The following PTPN5 variants were observed in gnomAD, a reference collection of about 807,000 sequenced individuals.
PTPN5 encodes the protein protein tyrosine phosphatase non-receptor type 5, also known as tyrosine-protein phosphatase non-receptor type 5.
In PTPN5, 29 loss-of-function variants were observed where a neutral mutation model predicts 73.9. The observed-to-expected ratio is 0.39, with a 90% confidence interval of 0.29 to 0.54. PTPN5 has a LOEUF of 0.54. Among genes scored for constraint, PTPN5 ranks in the 20% least tolerant of loss-of-function variants. The pLI is 0.65. For synonymous variants in PTPN5, 267 were observed against 304.7 expected (o/e 0.88, Z 1.29); for missense variants, 652 against 751.4 (o/e 0.87, Z 1.55).
intron 3 of PTPN5, among the ~76,000 whole-genome samples, chr11:18,761,336 C>T (rs1314239907): frequency 6.6e-6 from 1 of 152,170 alleles, no homozygotes; most frequent in African/African-American, 2.4e-5. Context: ...CTGGGCTAGG[C>T]CTGTACTGGT....
At chr11:18,731,240 A>G (rs1268575964) in intron 12 of PTPN5, among the ~76,000 whole-genome samples, 1 of 149,252 alleles carries the variant, frequency 6.7e-6, no homozygotes, top group East Asian at 1.9e-4. Flanking sequence ...TGTATATCAT[A>G]TATACATACA....
intron 1 of PTPN5, among the ~76,000 whole-genome samples, chr11:18,772,510 C>T (rs1412611434): frequency 6.6e-6 from 1 of 152,162 alleles, no homozygotes; most frequent in Admixed American, 6.5e-5. Flanking sequence ...GTTCTGGATC[C>T]CAAACACAGG....
At position 18,730,178 on chromosome 11, in the gene PTPN5, C is replaced by T. The variant is rs557708101; in HGVS notation, c.1330-360G>A. 1.1e-4 allele frequency: 50 copies of T among 448,706 alleles called. 1 individual carries two copies. The highest frequency in any genetic ancestry group is 5.5e-4 in the South Asian group (10 of 18,348). The allele number at this position is 448,706 out of a possible 1,614,324, so 27.8% of individuals were successfully genotyped here. A position where few individuals can be genotyped will look rare whatever the true frequency, so the allele number is the denominator to read the frequency against. The stretch of plus-strand genomic sequence containing the variant: ...ATCCCTTTGTCACATAACCCAGCCC[C>T]GGGACTCTTCTTCGCCTCTTGCTGT... On this transcript the variant is annotated intron_variant, in intron 12 of 14. Transcript: ENST00000358540.
At chr11:18,789,509 C>G (rs1047825747) in intron 1 of PTPN5, among the ~76,000 whole-genome samples, 4 of 152,176 alleles carry the variant, frequency 2.6e-5, no homozygotes, top group Non-Finnish European at 4.4e-5. Flanking sequence ...GGCCACCATT[C>G]ATTATGAAGT....
chr11:18,786,491 C>T (rs922814277), intron 1 of PTPN5, among the ~76,000 whole-genome samples: 6 of 152,326 alleles, frequency 3.9e-5, no homozygotes, highest in Admixed American at 6.5e-5. Flanking sequence ...CGTGAGCCAC[C>T]GCACCCGGCC....
chr11:18,772,484 G>A (rs1374459652), intron 1 of PTPN5, among the ~76,000 whole-genome samples: 1 of 152,204 alleles, frequency 6.6e-6, no homozygotes, highest in Admixed American at 6.5e-5. Flanking sequence ...CGTCTGAGCA[G>A]ACTGCAAACT....
chr11:18,759,128 G>A (rs1407988625), intron 3 of PTPN5, among the ~76,000 whole-genome samples: 3 of 152,024 alleles, frequency 2.0e-5, no homozygotes, highest in South Asian at 2.1e-4. Context: ...TGGACCTGAC[G>A]CCCGAGCCCC....
At chr11:18,734,925 G>A (rs567671608) in intron 9 of PTPN5, among the ~76,000 whole-genome samples, 2 of 152,328 alleles carry the variant, frequency 1.3e-5, no homozygotes, top group East Asian at 3.9e-4. Context: ...CTACACCGCT[G>A]AGCCAGAGAG....
chr11:18,791,582 G>A lies in PTPN5; in HGVS notation c.-171C>T. 6.5e-6 allele frequency: 1 copy of A among 153,456 alleles called. No homozygotes were observed. The allele number at this position is 153,456 out of a possible 1,614,324, so 9.5% of individuals were successfully genotyped here. On this transcript the variant is annotated 5_prime_UTR_variant, in exon 1 of 15. Transcript: ENST00000358540. ...GGCGGGCAGGCTGGCGGGAGGATGC[G>A]CGCGCGAGTGTGCGTGTGTCTGCGT...
chr11:18,742,599 AGT>A lies in PTPN5; in HGVS notation c.484-98_484-97del, dbSNP rs1849420520. 6.6e-7 allele frequency: 1 copy of A among 1,524,834 alleles called. No individual in the cohort carries two copies. The allele number at this position is 1,524,834 out of a possible 1,614,324, so 94.5% of individuals were successfully genotyped here. On this transcript the variant is annotated intron_variant, in intron 6 of 14. Transcript: ENST00000358540. The surrounding 1 kb of genome is among the most constrained non-coding windows in gnomAD (Gnocchi z 4.1). ...GGGATTGACGCCCCCCCACTCCCTC[AGT>A]GTGTCTAGAGCAGCTCTGCTCTCCT...
intron 1 of PTPN5, among the ~76,000 whole-genome samples, chr11:18,776,394 C>G (rs894667106): frequency 6.6e-6 from 1 of 152,094 alleles, no homozygotes; most frequent in Non-Finnish European, 1.5e-5. Flanking sequence ...TTAGGAAGAA[C>G]TGGGTACTCC....
intron 3 of PTPN5, among the ~76,000 whole-genome samples, chr11:18,761,190 A>G (rs1850371962): frequency 6.6e-6 from 1 of 152,214 alleles, no homozygotes; most frequent in South Asian, 2.1e-4. Flanking sequence ...AGTCTGCATG[A>G]TGATGCTGCT....
intron 8 of PTPN5, among the ~76,000 whole-genome samples, chr11:18,739,661 C>T (rs950194226): frequency 6.6e-6 from 1 of 152,202 alleles, no homozygotes; most frequent in Non-Finnish European, 1.5e-5. Flanking sequence ...AGGAAGGGAG[C>T]TATGAGGGAG....
In PTPN5 at chr11:18,733,665, A is replaced by C. The variant is rs1848992992; in HGVS notation, c.1001-30T>G. 1 of 1,607,238 alleles carries C rather than the reference A, an allele frequency of 6.2e-7. No individual in the cohort carries two copies. Among genetic ancestry groups the C allele is most frequent in the Non-Finnish European group, 8.5e-7 (1 of 1,173,846 alleles). ...GGTGGTGGGAGACAAGTAAGGCTGG[A>C]AACTGGGCCCTCTGGTGCAGGACCC... On this transcript the variant is annotated intron_variant, in intron 9 of 14. Coordinates refer to ENST00000358540, the MANE Select transcript of PTPN5 (RefSeq NM_006906.2). This position sits in a 1 kb window ranked among gnomAD's most constrained non-coding sequence, Gnocchi z 4.3.
chr11:18,746,158 TATAA>T (rs1316135950), intron 3 of PTPN5, among the ~76,000 whole-genome samples: 8 of 86,604 alleles, frequency 9.2e-5, no homozygotes, highest in African/African-American at 3.6e-4. Context: ...CTGTTATAAA[TATAA>T]ATATATATAT....
chr11:18,762,453 CT>C (rs1850441106), intron 3 of PTPN5, among the ~76,000 whole-genome samples: 1 of 152,044 alleles, frequency 6.6e-6, no homozygotes, highest in Non-Finnish European at 1.5e-5. Context: ...GGTCAGTGTC[CT>C]TGACAAACAT....
intron 2 of PTPN5, among the ~76,000 whole-genome samples, chr11:18,766,305 G>T (rs1455891886): frequency 1.3e-5 from 2 of 152,198 alleles, no homozygotes; most frequent in African/African-American, 4.8e-5. Context: ...AGATGAGTTT[G>T]AAATTATGAC....
intron 8 of PTPN5, among the ~76,000 whole-genome samples, chr11:18,738,221 T>C (rs766072496): frequency 2.0e-5 from 3 of 152,204 alleles, no homozygotes; most frequent in Non-Finnish European, 4.4e-5. Flanking sequence ...AGTCAATAAA[T>C]AGCTGATGAA....
At chr11:18,760,203 A>G (rs1282124893) in intron 3 of PTPN5, among the ~76,000 whole-genome samples, 1 of 152,186 alleles carries the variant, frequency 6.6e-6, no homozygotes, top group Non-Finnish European at 1.5e-5. Flanking sequence ...TGGATAAAAG[A>G]ATCAGGCTGC....
Sources: allele counts gnomAD v4.1 joint callset (sites outside exome capture counted in the v4.1 genomes callset), GRCh38; gene constraint gnomAD v4.1.1; non-coding constraint Gnocchi (gnomAD v3.1); transcripts MANE v1.5; gene names NCBI Gene and HGNC (gene_info 2026-07-23, HGNC 2026-07-21).